C14orf93: variants seen among roughly 807,000 people sequenced by gnomAD.
C14orf93 encodes the protein uncharacterized protein C14orf93.
A neutral mutation model predicts 44.0 loss-of-function variants in C14orf93; 23 were observed. The ratio of observed to expected loss-of-function variants is 0.52; its 90% confidence interval spans 0.38 to 0.74. The LOEUF (loss-of-function observed/expected upper bound fraction) is 0.74. Among genes scored for constraint, C14orf93 ranks in the 30% least tolerant of loss-of-function variants. The probability of loss-of-function intolerance (pLI) is 0.00; values close to 1 mark genes in which losing one functional copy is unlikely to be tolerated. For missense variants in C14orf93, 579 were observed against 678.9 expected (o/e 0.85, Z 1.64); for synonymous variants, 253 against 265.7 (o/e 0.95, Z 0.46).
intron 3 of C14orf93, among the ~76,000 whole-genome samples, chr14:22,993,036 C>T (rs1012790347): frequency 2.6e-5 from 4 of 151,996 alleles, no homozygotes; most frequent in African/African-American, 7.3e-5. Context: ...CACGCCACCA[C>T]GCCCAGCTAA....
At chr14:23,007,644 CTCCTT>C (rs2046695697) in intron 1 of C14orf93, among the ~76,000 whole-genome samples, 2 of 152,286 alleles carry the variant, frequency 1.3e-5, no homozygotes, top group South Asian at 4.1e-4. Flanking sequence ...GAGGAATTCT[CTCCTT>C]TCTTAGGAAG....
At chr14:23,009,500 C>T (rs1463759125) in intron 1 of C14orf93, among the ~76,000 whole-genome samples, 7 of 151,550 alleles carry the variant, frequency 4.6e-5, no homozygotes, top group Admixed American at 2.0e-4. Flanking sequence ...CACACACACA[C>T]AAATGTTCTA....
chr14:22,997,586 T>C (rs2046064737), intron 2 of C14orf93, among the ~76,000 whole-genome samples: 1 of 152,182 alleles, frequency 6.6e-6, no homozygotes, highest in African/African-American at 2.4e-5. Flanking sequence ...TCTGCAGTTC[T>C]TACTCTACTC....
chr14:22,997,663 T>C (rs2046068455), intron 2 of C14orf93, among the ~76,000 whole-genome samples: 1 of 152,210 alleles, frequency 6.6e-6, no homozygotes, highest in Non-Finnish European at 1.5e-5. Flanking sequence ...AATGTACATC[T>C]ATGTCTTTTC....
chr14:23,003,873 TATATATATATATATATATATA>T (rs2046441355), intron 1 of C14orf93, among the ~76,000 whole-genome samples: 4 of 14,050 alleles, frequency 2.8e-4, no homozygotes, highest in Non-Finnish European at 5.2e-4. Flanking sequence ...TATATATATA[TATATATATATATATATATATA>T]TATATTTTTT....
Position 22,987,394 on chromosome 14 carries a change from G to C in C14orf93, c.1438C>G (p.Leu480Val). 6.2e-7 allele frequency: 1 copy of C among 1,614,266 alleles called. No individual in the cohort carries two copies. The highest frequency in any genetic ancestry group is 8.5e-7 in the Non-Finnish European group (1 of 1,180,050). Residue 480 changes from leucine to valine, a missense_variant, in exon 7 of 7, where the codon CTG becomes GTG. Transcript: ENST00000299088. This position sits in a 1 kb window ranked among gnomAD's most constrained non-coding sequence, Gnocchi z 5.6. ...AGGAGCTGGGCTTCAGCAGAAGGCA[G>C]TCTGTCTGAGGGAGGCCCATACACA... ...NRVYGPPSDR[L>V]PSAEAQLLPP...
chr14:23,003,103 C>T (rs553306612), intron 1 of C14orf93, among the ~76,000 whole-genome samples: 2 of 152,268 alleles, frequency 1.3e-5, no homozygotes, highest in South Asian at 4.1e-4. Context: ...AATGTATTTT[C>T]CTATTGTGAG....
At chr14:22,992,554 TATTTA>T (rs934041399) in intron 3 of C14orf93, among the ~76,000 whole-genome samples, 7 of 149,006 alleles carry the variant, frequency 4.7e-5, no homozygotes, top group African/African-American at 1.8e-4. Context: ...CTAAAATATT[TATTTA>T]TTTATTTATT....
At chr14:23,005,728 C>T (rs577019118) in intron 1 of C14orf93, 1 of 152,148 alleles carries the variant, frequency 6.6e-6, no homozygotes, top group East Asian at 1.9e-4. Context: ...AAATGTGAAA[C>T]GAGCCTTAAA....
At chr14:22,989,948 C>T in intron 4 of C14orf93, 103 bp from the exon 5 acceptor site, 3 of 1,411,326 alleles carry the variant, frequency 2.1e-6, no homozygotes, top group Non-Finnish European at 3.0e-6. Flanking sequence ...CCCTCCACAG[C>T]CTAAGAAGGT....
At chr14:23,007,623 T>C (rs1392569170) in intron 1 of C14orf93, among the ~76,000 whole-genome samples, 2 of 152,102 alleles carry the variant, frequency 1.3e-5, no homozygotes, top group Admixed American at 1.3e-4. Context: ...AAGCCAACGA[T>C]ATATATGTGC....
At chr14:23,006,993 G>C (rs2046649559) in intron 1 of C14orf93, 1 of 152,342 alleles carries the variant, frequency 6.6e-6, no homozygotes, top group Non-Finnish European at 1.5e-5. Flanking sequence ...TGAAGGCGGC[G>C]CTCGCCGTGA....
rs77742984 is a variant in C14orf93, at chr14:22,989,654, A to G, written c.1084+88T>C. The G allele has an allele frequency of 5.9e-4, 574 of 971,714 alleles. 2 individuals carry two copies. The African/African-American group carries it at 8.5e-3, about 14-fold the overall frequency. 60.2% of individuals were successfully genotyped at this position (971,714 alleles called of 1,614,324 possible). On this transcript the variant is annotated intron_variant, in intron 5 of 6. Transcript: ENST00000299088. ...TTTTCAAAACCACCTAATCATCTCT[A>G]TTATTCCTCTTCTCCTCTGACCAAG...
At position 22,999,091 on chromosome 14, in the gene C14orf93, T is replaced by C; in HGVS notation, c.-68A>G. 6.6e-7 allele frequency: 1 copy of C among 1,522,464 alleles called. No homozygotes were observed. Among genetic ancestry groups the C allele is most frequent in the Non-Finnish European group, 8.8e-7 (1 of 1,139,942 alleles). 94.3% of individuals were successfully genotyped at this position (1,522,464 alleles called of 1,614,324 possible). On this transcript the variant is annotated 5_prime_UTR_variant, in exon 2 of 7. Coordinates refer to ENST00000299088, the MANE Select transcript of C14orf93 (RefSeq NM_021944.4). ...CTCCAACAGGTAGGAAGCATCAACT[T>C]CTCTGGACTCACTTTCCTTTCTCAA... is the stretch of plus-strand genomic sequence containing the variant.
At position 22,998,757 on chromosome 14, in the gene C14orf93, CA is replaced by C. The variant is rs771050553; in HGVS notation, c.266del (p.Leu89CysfsTer2). 1.9e-6 allele frequency: 3 copies of C among 1,614,224 alleles called. No individual in the cohort carries two copies. In the Admixed American group the frequency reaches 5.0e-5, roughly 27 times the overall value. On this transcript the variant is annotated frameshift_variant, in exon 2 of 7. Transcript: ENST00000299088. LOFTEE classifies it high-confidence loss of function. ...CCACTTCCTCCTGGAGACGTTTTAA[CA>C]ACTCATTGTTGGCCCTGGCAAGACC... ...ALGLARANNELLKRLQEEVGD... is the reference protein window; with the variant it reads ...ALGLARANNEXLKRLQEEVGD...
At position 22,987,129 on chromosome 14, in the gene C14orf93, A is replaced by C; in HGVS notation, c.*86T>G. 1 of 1,375,626 alleles carries C rather than the reference A, an allele frequency of 7.3e-7. No individual in the cohort carries two copies. The allele number at this position is 1,375,626 out of a possible 1,614,324, so 85.2% of individuals were successfully genotyped here. ...TTTGCTTTCTCAGACTGCACAGAGC[A>C]TCTCATTATTTTGTGAAGCCCCATG... On this transcript the variant is annotated 3_prime_UTR_variant, in exon 7 of 7. Transcript: ENST00000299088. The surrounding 1 kb of genome is among the most constrained non-coding windows in gnomAD (Gnocchi z 5.6).
chr14:22,996,224 A>T lies in C14orf93; in HGVS notation c.642T>A (p.Val214=). ...GTTGCTTGGCATAAGCAGGGACCAG[A>T]ACTCGCTGTACTGCACCCTCAGAGG... ...YVASEGAVQR[V]LVPAYAKQLS... is the part of the protein sequence containing the mutation. The change falls in exon 3 of 7, where the codon GTT becomes GTA. Residue 214 remains valine, a synonymous_variant. Coordinates refer to ENST00000299088, the MANE Select transcript of C14orf93 (RefSeq NM_021944.4). This position sits in a 1 kb window ranked among gnomAD's most constrained non-coding sequence, Gnocchi z 4.1. 6.2e-7 allele frequency: 1 copy of T among 1,602,730 alleles called. No individual in the cohort carries two copies. Among genetic ancestry groups the T allele is most frequent in the Middle Eastern group, 1.7e-4 (1 of 6,020 alleles).
In C14orf93 at chr14:22,998,933, C is replaced by T; in HGVS notation, c.91G>A (p.Gly31Ser). 6.2e-7 allele frequency: 1 copy of T among 1,614,076 alleles called. No individual in the cohort carries two copies. The highest frequency in any genetic ancestry group is 8.5e-7 in the Non-Finnish European group (1 of 1,180,048). ...TTCCCACCCTGGGAGCCTGTGTTGC[C>T]TCCATTAGTCTCACTCTTACAGGCG... Reference protein sequence around the residue: ...CCACKSETNGGNTGSQGGNPP... With the variant: ...CCACKSETNGSNTGSQGGNPP... Residue 31 changes from glycine (G) to serine (S), a missense_variant, in exon 2 of 7, where the codon GGC becomes AGC. Gly to Ser is a moderately conservative substitution (Grantham distance 56). Transcript: ENST00000299088.
chr14:23,009,397 T>C (rs1314573821), intron 1 of C14orf93, among the ~76,000 whole-genome samples: 2 of 152,074 alleles, frequency 1.3e-5, no homozygotes, highest in Non-Finnish European at 2.9e-5. Context: ...CTTTTGAAAA[T>C]AAAATCTGAT....
Sources: gnomAD v4.1 joint callset for allele counts (sites outside exome capture counted in the v4.1 genomes callset) on GRCh38, gnomAD v4.1.1 for gene constraint, Gnocchi (gnomAD v3.1) non-coding constraint, MANE v1.5 for transcripts, NCBI Gene and HGNC (gene_info 2026-07-23, HGNC 2026-07-21) for gene names.